The following PTK2B variants were observed in gnomAD, a reference collection of about 807,000 sequenced individuals.
PTK2B encodes protein-tyrosine kinase 2-beta.
In PTK2B, 71 loss-of-function variants were observed where a neutral mutation model predicts 142.9. That is an observed-to-expected ratio of 0.50 (90% CI 0.41 to 0.61). PTK2B has a LOEUF of 0.61. Among genes scored for constraint, PTK2B ranks in the 20% least tolerant of loss-of-function variants. PTK2B has a pLI of 0.00. For missense variants in PTK2B, 1,105 were observed against 1,320.4 expected (o/e 0.84, Z 2.53); for synonymous variants, 519 against 503.4 (o/e 1.03, Z -0.42).
In PTK2B at chr8:27,419,893, A is replaced by G; in HGVS notation, c.205-2A>G. 1 of 1,614,078 alleles carries G rather than the reference A, an allele frequency of 6.2e-7. No homozygotes were observed. Among genetic ancestry groups the G allele is most frequent in the Non-Finnish European group, 8.5e-7 (1 of 1,179,994 alleles). ...GTCATGCCTCTCTCTTCTCCTCTGCAGGAGATCATCACCTCCATCCTGCTG... is the reference window on the plus strand; with the variant it reads ...GTCATGCCTCTCTCTTCTCCTCTGCGGGAGATCATCACCTCCATCCTGCTG... On this transcript the variant is annotated splice_acceptor_variant, in intron 2 of 30. Transcript: ENST00000346049. LOFTEE classifies it high-confidence loss of function.
chr8:27,403,607 G>C (rs979607785), intron 2 of PTK2B, among the ~76,000 whole-genome samples: 1 of 152,102 alleles, frequency 6.6e-6, no homozygotes, highest in Non-Finnish European at 1.5e-5. Context: ...CTGAATTTCT[G>C]GGGCAAGCAG....
intron 24 of PTK2B, among the ~76,000 whole-genome samples, chr8:27,447,497 G>A (rs1445568741): frequency 6.6e-6 from 1 of 152,220 alleles, no homozygotes; most frequent in African/African-American, 2.4e-5. Flanking sequence ...GAGTCTGTGG[G>A]ATGCCATACC....
At chr8:27,342,265 C>T (rs1314175632) in intron 1 of PTK2B, among the ~76,000 whole-genome samples, 1 of 151,870 alleles carries the variant, frequency 6.6e-6, no homozygotes, top group Admixed American at 6.6e-5. Flanking sequence ...TTCTTCTTCT[C>T]TTTGGTTTTG....
At chr8:27,325,780 C>T (rs1394056472) in intron 1 of PTK2B, 99 bp downstream of exon 1, 2 of 152,358 alleles carry the variant, frequency 1.3e-5, no homozygotes, top group Non-Finnish European at 2.9e-5. Context: ...GGATCCTGGG[C>T]ACCTGAGCTG....
chr8:27,439,919 G>T (rs1811050391), intron 20 of PTK2B, among the ~76,000 whole-genome samples: 1 of 152,140 alleles, frequency 6.6e-6, no homozygotes, highest in Non-Finnish European at 1.5e-5. Context: ...TCCATTTCCA[G>T]CTTTACTAAG....
At chr8:27,448,024 G>A (rs138170112) in intron 24 of PTK2B, among the ~76,000 whole-genome samples, 112 of 152,360 alleles carry the variant, frequency 7.4e-4, no homozygotes, top group African/African-American at 2.4e-3. Flanking sequence ...TGTAATGCAA[G>A]CCAGAAGGTC....
chr8:27,370,857 A>AT (rs2130919538), intron 1 of PTK2B, among the ~76,000 whole-genome samples: 1 of 152,190 alleles, frequency 6.6e-6, no homozygotes, highest in South Asian at 2.1e-4. Flanking sequence ...GTTTTCTCTT[A>AT]TTTTTAAAGA....
At chr8:27,430,215 C>T (rs1249841906) in intron 6 of PTK2B, 60 bp downstream of exon 6, 1 of 1,584,264 alleles carries the variant, frequency 6.3e-7, no homozygotes, top group African/African-American at 1.3e-5. Context: ...TACTTTTCCT[C>T]CTCACCCTCT....
chr8:27,368,478 C>T (rs1806150126), intron 1 of PTK2B, among the ~76,000 whole-genome samples: 2 of 152,198 alleles, frequency 1.3e-5, no homozygotes, highest in Admixed American at 1.3e-4. Context: ...CCCAGCTGTT[C>T]CCCTTGTGGT....
chr8:27,420,132 CCCTGGGAGTTTCTCCCTTA>C, intron 3 of PTK2B, 59 bp downstream of exon 3: 1 of 1,591,086 alleles, frequency 6.3e-7, no homozygotes, highest in Non-Finnish European at 8.6e-7. Context: ...GGTGGGGAGG[CCCTGGGAGTTTCTCCCTTA>C]GAGCACTCCC....
At chr8:27,356,714 T>G (rs140485400) in intron 1 of PTK2B, among the ~76,000 whole-genome samples, 1 of 152,304 alleles carries the variant, frequency 6.6e-6, no homozygotes, top group East Asian at 1.9e-4. Context: ...CACCATGAAA[T>G]ACTACTCAGC....
chr8:27,372,026 C>T (rs1182594608), intron 1 of PTK2B, among the ~76,000 whole-genome samples: 2 of 152,204 alleles, frequency 1.3e-5, no homozygotes, highest in Admixed American at 6.5e-5. Context: ...ATGTGGATTG[C>T]ATAAGAAAGC....
chr8:27,455,631 G>A (rs369470701), intron 30 of PTK2B, among the ~76,000 whole-genome samples: 5 of 152,230 alleles, frequency 3.3e-5, no homozygotes, highest in African/African-American at 1.2e-4. Context: ...GAAGGAGGCC[G>A]CAGGCCAAGG....
intron 2 of PTK2B, among the ~76,000 whole-genome samples, chr8:27,409,394 G>C (rs1049238079): frequency 2.6e-5 from 4 of 152,172 alleles, no homozygotes; most frequent in African/African-American, 9.7e-5. Flanking sequence ...GAAAGGACAA[G>C]GGGGAGAGGG....
intron 1 of PTK2B, among the ~76,000 whole-genome samples, chr8:27,342,310 A>G (rs892787188): frequency 6.7e-6 from 1 of 149,606 alleles, no homozygotes; most frequent in Non-Finnish European, 1.5e-5. Flanking sequence ...TTCTTGAGAC[A>G]GGGTCTCACT....
chr8:27,420,103 G>T, intron 3 of PTK2B, 30 bp downstream of exon 3: 1 of 1,610,802 alleles, frequency 6.2e-7, no homozygotes, highest in South Asian at 1.1e-5. Flanking sequence ...CTCTGGAAGT[G>T]GGAAGGAGAG....
At chr8:27,368,037 C>T (rs937498779) in intron 1 of PTK2B, among the ~76,000 whole-genome samples, 2 of 152,246 alleles carry the variant, frequency 1.3e-5, no homozygotes, top group Non-Finnish European at 2.9e-5. Context: ...GGAGTCAGGC[C>T]CAGGCTGGCC....
Position 27,430,858 on chromosome 8 carries a change from GC to G in PTK2B, c.670-15del. The G allele has an allele frequency of 6.2e-7, 1 of 1,611,776 alleles. No homozygotes were observed. The highest frequency in any genetic ancestry group is 1.3e-5 in the African/African-American group (1 of 74,996). On this transcript the variant is annotated splice_polypyrimidine_tract_variant and intron_variant, in intron 7 of 30. Coordinates refer to ENST00000346049, the MANE Select transcript of PTK2B (RefSeq NM_173176.3). The stretch of plus-strand genomic sequence containing the variant: ...GGGAGGAGCAGGCATTGCTCACACG[GC>G]CCATCCCCTCCCCCAGCCCAAACAG...
At chr8:27,374,188 T>A (rs1806528864) in intron 1 of PTK2B, among the ~76,000 whole-genome samples, 1 of 152,194 alleles carries the variant, frequency 6.6e-6, no homozygotes, top group Admixed American at 6.5e-5. Flanking sequence ...GCAGTGCACA[T>A]AGACAATAGA....
Sources: gnomAD v4.1 joint callset for allele counts (sites outside exome capture counted in the v4.1 genomes callset) on GRCh38, gnomAD v4.1.1 for gene constraint, MANE v1.5 for transcripts, NCBI Gene and HGNC (gene_info 2026-07-23, HGNC 2026-07-21) for gene names.